The following ZMIZ1 variants were observed in gnomAD, a reference collection of about 807,000 sequenced individuals.
ZMIZ1 encodes zinc finger MIZ domain-containing protein 1.
Under a neutral mutation model 113.9 loss-of-function variants are expected in ZMIZ1, and 17 were observed. The observed-to-expected ratio is 0.15, with a 90% CI of 0.10 to 0.22. The LOEUF (loss-of-function observed/expected upper bound fraction) is 0.22, where lower values mean the gene tolerates loss of function less well. Ranked by LOEUF, ZMIZ1 falls within the 10% of genes least tolerant of loss-of-function variation. The pLI is 1.00. For missense variants in ZMIZ1, 1,059 were observed against 1,477.8 expected (o/e 0.72, Z 4.65); for synonymous variants, 607 against 603.1 (o/e 1.01, Z -0.09).
intron 7 of ZMIZ1, among the ~76,000 whole-genome samples, chr10:79,270,612 G>T (rs1424372359): frequency 6.6e-6 from 1 of 152,198 alleles, no homozygotes; most frequent in Admixed American, 6.5e-5. Flanking sequence ...GGCTGGTGTG[G>T]AGTGGGAACC....
intron 5 of ZMIZ1, among the ~76,000 whole-genome samples, chr10:79,201,963 C>T (rs1308295619): frequency 6.7e-6 from 1 of 149,752 alleles, no homozygotes; most frequent in Non-Finnish European, 1.5e-5. Context: ...TGTTTATGTG[C>T]AAGGATGTAG....
At position 79,301,898 on chromosome 10, in the gene ZMIZ1, A is replaced by G. The variant is rs1448222862; in HGVS notation, c.2020-209A>G. On this transcript the variant is annotated intron_variant, in intron 17 of 24. Transcript: ENST00000334512. ...TGTCCTATAACCTTATCCAGGGAGT[A>G]TTTCAGTGTCAAAGTCCACCTTGTC... is the stretch of plus-strand genomic sequence containing the variant. Among the ~76,000 whole-genome samples, 4 of 152,106 alleles carry G rather than the reference A, an allele frequency of 2.6e-5. No homozygotes were observed. In the East Asian group the frequency reaches 7.7e-4, roughly 29 times the overall value.
intron 8 of ZMIZ1, among the ~76,000 whole-genome samples, chr10:79,278,211 C>G (rs1311090690): frequency 1.3e-5 from 2 of 152,160 alleles, no homozygotes; most frequent in Non-Finnish European, 2.9e-5. Context: ...CCAGTGCCCT[C>G]CCTGGGCCTG....
intron 2 of ZMIZ1, among the ~76,000 whole-genome samples, chr10:79,135,421 G>T (rs1844957454): frequency 6.6e-6 from 1 of 152,152 alleles, no homozygotes; most frequent in Admixed American, 6.5e-5. Context: ...AGTTTCACTG[G>T]GACTCTGTTG....
intron 7 of ZMIZ1, 63 bp from the exon 8 acceptor site, chr10:79,277,118 G>GT (rs1249832636): frequency 1.8e-5 from 26 of 1,446,866 alleles, no homozygotes; most frequent in Admixed American, 2.7e-5. Flanking sequence ...GAGTTGGGGG[G>GT]GGGTCTTGGT....
At chr10:79,289,245 G>A (rs1287049660) in intron 8 of ZMIZ1, among the ~76,000 whole-genome samples, 2 of 152,162 alleles carry the variant, frequency 1.3e-5, no homozygotes, top group East Asian at 3.9e-4. Context: ...GGAAGGAAGG[G>A]TGCCGGAAGA....
At chr10:79,269,944 G>A (rs144307365) in intron 7 of ZMIZ1, among the ~76,000 whole-genome samples, 16 of 152,342 alleles carry the variant, frequency 1.1e-4, no homozygotes, top group Non-Finnish European at 1.9e-4. Context: ...CGGCCTGTCT[G>A]AACAGTACAT....
chr10:79,197,946 C>A (rs1326581314), intron 4 of ZMIZ1, among the ~76,000 whole-genome samples: 1 of 152,156 alleles, frequency 6.6e-6, no homozygotes, highest in African/African-American at 2.4e-5. Flanking sequence ...TGGCCTAGGA[C>A]CCCGCACAGT....
chr10:79,118,620 C>T lies in ZMIZ1; in HGVS notation c.-336-295C>T, dbSNP rs761980071. Among the ~76,000 whole-genome samples, 18 of 152,200 alleles carry T rather than the reference C, an allele frequency of 1.2e-4. No homozygotes were observed. The highest frequency in any genetic ancestry group is 2.9e-4 in the African/African-American group (12 of 41,450). On this transcript the variant is annotated intron_variant, in intron 1 of 24. Transcript: ENST00000334512. This position sits in a 1 kb window ranked among gnomAD's most constrained non-coding sequence, Gnocchi z 4.1. The stretch of plus-strand genomic sequence containing the variant: ...GCCGGAGCCAGGGGCTCTGGGAGGC[C>T]GGGCTGACTGGAGCCTAGTGGTGGG...
At chr10:79,091,219 C>T (rs1249997) in intron 1 of ZMIZ1, among the ~76,000 whole-genome samples, 148,881 of 151,334 alleles carry the variant, frequency 0.98, 73,334 homozygotes, top group Middle Eastern at 1. Flanking sequence ...GCAGCTGCCT[C>T]TTTTTTTTAA....
At chr10:79,218,197 T>C (rs1232074258) in intron 7 of ZMIZ1, among the ~76,000 whole-genome samples, 1 of 152,142 alleles carries the variant, frequency 6.6e-6, no homozygotes, top group African/African-American at 2.4e-5. Flanking sequence ...ACAAGTGCTG[T>C]GTGCAGTGGC....
At chr10:79,243,784 G>T in intron 7 of ZMIZ1, 1 of 198,514 alleles carries the variant, frequency 5.0e-6, no homozygotes, top group Non-Finnish European at 1.1e-5. Context: ...CCCACGGGCC[G>T]GGCCCTGGGC....
chr10:79,084,154 T>TCCTA (rs1427858708), intron 1 of ZMIZ1, among the ~76,000 whole-genome samples: 1 of 152,194 alleles, frequency 6.6e-6, no homozygotes, highest in Admixed American at 6.5e-5. Context: ...TCAGGTGAAC[T>TCCTA]CCTACCCATC....
chr10:79,130,607 G>A (rs964164965), intron 2 of ZMIZ1, among the ~76,000 whole-genome samples: 2 of 152,196 alleles, frequency 1.3e-5, no homozygotes, highest in African/African-American at 4.8e-5. Context: ...ATGATGGCAG[G>A]AAAGCGCCAT....
At chr10:79,227,635 G>A (rs1343595228) in intron 7 of ZMIZ1, among the ~76,000 whole-genome samples, 1 of 152,226 alleles carries the variant, frequency 6.6e-6, no homozygotes, top group African/African-American at 2.4e-5. Flanking sequence ...TGCTGTATAT[G>A]CGTGAGAAAT....
In ZMIZ1 at chr10:79,188,937, C is replaced by T. The variant is rs186023551; in HGVS notation, c.-49-12647C>T. Among the ~76,000 whole-genome samples, 7 of 152,330 alleles carry T rather than the reference C, an allele frequency of 4.6e-5. No homozygotes were observed. The East Asian group carries it at 1.4e-3, about 29-fold the overall frequency. On this transcript the variant is annotated intron_variant, in intron 4 of 24. Transcript: ENST00000334512. ...AACTCATCTAACCGGGAATGCTTCG[C>T]TCAGGAGCACCTCCTGGGACCTGGT...
At chr10:79,084,562 C>G (rs938730621) in intron 1 of ZMIZ1, among the ~76,000 whole-genome samples, 5 of 152,324 alleles carry the variant, frequency 3.3e-5, no homozygotes, top group Admixed American at 6.5e-5. Context: ...CGGACAGGCT[C>G]TTTCCCATCC....
intron 12 of ZMIZ1, chr10:79,295,701 A>C (rs1198389504): frequency 6.6e-6 from 1 of 152,224 alleles, no homozygotes; most frequent in African/African-American, 2.4e-5. Context: ...TTGAGCAAGT[A>C]TTAAGGGTAT....
chr10:79,263,937 G>A (rs1290095857), intron 7 of ZMIZ1, among the ~76,000 whole-genome samples: 2 of 152,200 alleles, frequency 1.3e-5, no homozygotes, highest in Non-Finnish European at 2.9e-5. Flanking sequence ...GAAGGGTAAG[G>A]AGGGGACCTC....
Sources: gnomAD v4.1 joint callset for allele counts (sites outside exome capture counted in the v4.1 genomes callset) on GRCh38, gnomAD v4.1.1 for gene constraint, Gnocchi (gnomAD v3.1) non-coding constraint, MANE v1.5 for transcripts, NCBI Gene and HGNC (gene_info 2026-07-23, HGNC 2026-07-21) for gene names.